Variants in OR1J2 observed in about 807,000 individuals in gnomAD.
OR1J2 encodes olfactory receptor 1J2.
For synonymous variants in OR1J2, 142 were observed against 99.7 expected (o/e 1.42, Z -2.52); for missense variants, 304 against 246.1 (o/e 1.24, Z -1.57).
chr9:122,529,897 T>C, the OR1J2 span, among the ~76,000 whole-genome samples: 1 of 152,338 alleles, frequency 6.6e-6, no homozygotes, highest in South Asian at 2.1e-4. Flanking sequence ...TGCTTACCAC[T>C]ACCCTGGTAA....
At chr9:122,544,792 C>G in the OR1J2 span, among the ~76,000 whole-genome samples, 20,772 of 152,108 alleles carry the variant, frequency 0.14, 1,659 homozygotes, top group East Asian at 0.33. Flanking sequence ...CAATTTTGTT[C>G]ATTTTCTTCA....
At chr9:122,488,687 G>T in the OR1J2 span, among the ~76,000 whole-genome samples, 2 of 152,106 alleles carry the variant, frequency 1.3e-5, no homozygotes, top group Non-Finnish European at 2.9e-5. Flanking sequence ...GCTACATTCA[G>T]GTTGGCAAAA....
the OR1J2 span, among the ~76,000 whole-genome samples, chr9:122,579,515 G>A: frequency 6.6e-6 from 1 of 152,118 alleles, no homozygotes; most frequent in Non-Finnish European, 1.5e-5. Flanking sequence ...ACTAATAGCT[G>A]CTGGATGAGG....
the OR1J2 span, among the ~76,000 whole-genome samples, chr9:122,449,708 G>A: frequency 6.6e-6 from 1 of 152,108 alleles, no homozygotes; most frequent in Non-Finnish European, 1.5e-5. Context: ...CTGTGCAGCT[G>A]CCTCTTGTCA....
At chr9:122,547,413 GT>G in the OR1J2 span, among the ~76,000 whole-genome samples, 1 of 152,098 alleles carries the variant, frequency 6.6e-6, no homozygotes. Flanking sequence ...GAGGATACAA[GT>G]GCAGTTTTGT....
At chr9:122,456,861 C>G in the OR1J2 span, among the ~76,000 whole-genome samples, 2 of 152,152 alleles carry the variant, frequency 1.3e-5, no homozygotes, top group African/African-American at 4.8e-5. Flanking sequence ...ATCAGCAATC[C>G]CATTACTGGA....
the OR1J2 span, among the ~76,000 whole-genome samples, chr9:122,541,851 G>A: frequency 2.6e-5 from 4 of 152,092 alleles, no homozygotes; most frequent in East Asian, 1.9e-4. Flanking sequence ...ATTTGGTTAC[G>A]GCATATATCA....
At chr9:122,467,381 C>G in the OR1J2 span, among the ~76,000 whole-genome samples, 1 of 152,118 alleles carries the variant, frequency 6.6e-6, no homozygotes, top group Non-Finnish European at 1.5e-5. Context: ...AAATACCATG[C>G]TAAAATTTCT....
chr9:122,449,806 A>AG, the OR1J2 span, among the ~76,000 whole-genome samples: 1 of 152,234 alleles, frequency 6.6e-6, no homozygotes, highest in Non-Finnish European at 1.5e-5. Context: ...GCCGGATCCT[A>AG]GTTTATCATA....
chr9:122,574,688 C>A, the OR1J2 span, among the ~76,000 whole-genome samples: 11 of 152,026 alleles, frequency 7.2e-5, no homozygotes, highest in East Asian at 2.1e-3. Context: ...TATTACTATT[C>A]TTGTCTTATT....
At chr9:122,503,016 ACAGG>A in the OR1J2 span, among the ~76,000 whole-genome samples, 1 of 152,228 alleles carries the variant, frequency 6.6e-6, no homozygotes, top group Admixed American at 6.5e-5. Flanking sequence ...GAGATCATCT[ACAGG>A]TGGTTGCCTT....
At chr9:122,576,487 G>A in the OR1J2 span, among the ~76,000 whole-genome samples, 1 of 151,254 alleles carries the variant, frequency 6.6e-6, no homozygotes, top group African/African-American at 2.4e-5. Flanking sequence ...TGCCCGCCTT[G>A]GCCTCCCAAG....
chr9:122,493,158 T>C, the OR1J2 span, among the ~76,000 whole-genome samples: 1 of 152,082 alleles, frequency 6.6e-6, no homozygotes, highest in East Asian at 1.9e-4. Context: ...TATTGGCCTA[T>C]AGTTTTCTTT....
At chr9:122,484,061 G>A in the OR1J2 span, among the ~76,000 whole-genome samples, 1 of 152,054 alleles carries the variant, frequency 6.6e-6, no homozygotes, top group East Asian at 1.9e-4. Context: ...AATATTAGGA[G>A]CCCATTGTGC....
chr9:122,448,399 A>T, the OR1J2 span, among the ~76,000 whole-genome samples: 1 of 152,150 alleles, frequency 6.6e-6, no homozygotes, highest in Non-Finnish European at 1.5e-5. Flanking sequence ...ATCGGGTTTT[A>T]TACTGAGACA....
Position 122,511,367 on chromosome 9 carries a change from G to T in OR1J2, c.566G>T (p.Cys189Phe). 1 of 742,696 alleles carries T rather than the reference G, an allele frequency of 1.3e-6. No homozygotes were observed. Among genetic ancestry groups the T allele is most frequent in the Non-Finnish European group, 2.5e-6 (1 of 399,656 alleles). The allele number at this position is 742,696 out of a possible 1,614,324, so 46.0% of individuals were successfully genotyped here. A position where few individuals can be genotyped will look rare whatever the true frequency, so the allele number is the denominator to read the frequency against. Residue 189 changes from cysteine (C) to phenylalanine (F), a missense_variant, in exon 1 of 1, where the codon TGC becomes TTC. Transcript: ENST00000335302. Reference sequence around the variant, plus strand: ...CTTGCTGCCCTGCTCAAGCTGTCCTGCTCAGATATCTTCCTCAATGAGCTG... The same window carrying T: ...CTTGCTGCCCTGCTCAAGCTGTCCTTCTCAGATATCTTCCTCAATGAGCTG... ...CDLAALLKLS[C>F]SDIFLNELVM... is the part of the protein sequence containing the mutation.
chr9:122,469,810 T>C, the OR1J2 span, among the ~76,000 whole-genome samples: 27 of 152,312 alleles, frequency 1.8e-4, no homozygotes, highest in East Asian at 4.0e-3. Context: ...AAGTTGACTC[T>C]TGTTATGTTT....
At chr9:122,490,357 TC>T in the OR1J2 span, among the ~76,000 whole-genome samples, 1 of 152,212 alleles carries the variant, frequency 6.6e-6, no homozygotes, top group Non-Finnish European at 1.5e-5. Context: ...TTTTCCTTTA[TC>T]CCCTTCCCAT....
the OR1J2 span, among the ~76,000 whole-genome samples, chr9:122,549,235 C>G: frequency 6.6e-6 from 1 of 152,014 alleles, no homozygotes; most frequent in African/African-American, 2.4e-5. Flanking sequence ...GCATGGCATC[C>G]CTCTTGTTAC....
Sources: allele counts gnomAD v4.1 joint callset (sites outside exome capture counted in the v4.1 genomes callset), GRCh38; gene constraint gnomAD v4.1.1; transcripts MANE v1.5; gene names NCBI Gene and HGNC (gene_info 2026-07-23, HGNC 2026-07-21).